Variants in CATSPERZ observed in about 807,000 individuals in gnomAD.
The protein encoded by CATSPERZ is catsper channel auxiliary subunit zeta, also known as cation channel sperm-associated auxiliary subunit zeta.
CATSPERZ carries 21 observed loss-of-function variants against 21.7 expected under a neutral mutation model. The observed-to-expected ratio is 0.97, with a 90% confidence interval of 0.69 to 1.39. CATSPERZ has a LOEUF of 1.39. Among genes scored for constraint, CATSPERZ ranks in the 40% most tolerant of loss-of-function variants. The pLI is 0.00. For synonymous variants in CATSPERZ, 127 were observed against 108.7 expected, an observed-to-expected ratio of 1.17 and a Z score of -1.05; for missense variants, 234 against 259.5, an observed-to-expected ratio of 0.90 and a Z score of 0.68.
intron 2 of CATSPERZ, among the ~76,000 whole-genome samples, chr11:64,301,970 G>A (rs951473189): frequency 1.3e-5 from 2 of 152,132 alleles, no homozygotes; most frequent in African/African-American, 4.8e-5. Context: ...CATGCCCGGC[G>A]AGACCTGTGT....
chr11:64,302,850 C>T (rs1273950431), intron 2 of CATSPERZ, among the ~76,000 whole-genome samples: 2 of 149,032 alleles, frequency 1.3e-5, no homozygotes, highest in East Asian at 2.0e-4. Context: ...GGATTACAGG[C>T]GTGAGCCACC....
At chr11:64,302,019 CCTTGT>C in intron 2 of CATSPERZ, among the ~76,000 whole-genome samples, 1 of 152,138 alleles carries the variant, frequency 6.6e-6, no homozygotes, top group East Asian at 1.9e-4. Context: ...AGAGTTAACT[CCTTGT>C]CTTATGATTT....
Position 64,304,651 on chromosome 11 carries a change from G to T in CATSPERZ, c.*5G>T, listed in dbSNP as rs1193196739. On this transcript the variant is annotated 3_prime_UTR_variant, in exon 5 of 5. Transcript: ENST00000328404. ...AAGAGGCTGTACGTGAATTAAAAAC[G>T]CCACCTTGGGCTCGAGCAGCGACCC... The T allele has an allele frequency of 1.3e-6, 2 of 1,559,638 alleles. No individual in the cohort carries two copies. The highest frequency in any genetic ancestry group is 8.7e-7 in the Non-Finnish European group (1 of 1,152,464).
At position 64,304,266 on chromosome 11, in the gene CATSPERZ, A is replaced by C. The variant is rs199960062; in HGVS notation, c.500-277A>C. Among the ~76,000 whole-genome samples the C allele has an allele frequency of 9.2e-5, 14 of 152,238 alleles. No individual in the cohort carries two copies. The East Asian group carries it at 2.7e-3, about 29-fold the overall frequency. ...GATAAAGGGCCAGCTGATGGCTTAGAGTGGGTGGCTGGTCCAGAAGGTGGG... is the reference window on the plus strand; with the variant it reads ...GATAAAGGGCCAGCTGATGGCTTAGCGTGGGTGGCTGGTCCAGAAGGTGGG... On this transcript the variant is annotated intron_variant, in intron 4 of 4. Coordinates refer to ENST00000328404, the MANE Select transcript of CATSPERZ (RefSeq NM_001039496.2).
At chr11:64,301,671 G>A (rs1047606091) in intron 2 of CATSPERZ, among the ~76,000 whole-genome samples, 1 of 151,702 alleles carries the variant, frequency 6.6e-6, no homozygotes, top group African/African-American at 2.4e-5. Context: ...ACTGCGCCCG[G>A]CCTTTGTTTT....
At chr11:64,300,614 G>C in intron 1 of CATSPERZ, 43 bp from the exon 2 acceptor site, 1 of 1,511,196 alleles carries the variant, frequency 6.6e-7, no homozygotes, top group Non-Finnish European at 8.9e-7. Flanking sequence ...TCCCGCTCCA[G>C]CCATCCGCGA....
rs2034899506 is a variant in CATSPERZ at position 64,300,364 on chromosome 11, C to T, written c.-47C>T. On this transcript the variant is annotated 5_prime_UTR_variant, in exon 1 of 5. Coordinates refer to ENST00000328404, the MANE Select transcript of CATSPERZ (RefSeq NM_001039496.2). ...GCCCCCTTCCTGGAGCGTTGACTCC[C>T]TTCTCGTCTCGAGGCCTGTGGCGTC... 7.1e-7 allele frequency: 1 copy of T among 1,416,102 alleles called. No homozygotes were observed. Among genetic ancestry groups the T allele is most frequent in the Non-Finnish European group, 9.5e-7 (1 of 1,055,852 alleles). The allele number at this position is 1,416,102 out of a possible 1,614,324, so 87.7% of individuals were successfully genotyped here. A position where few individuals can be genotyped will look rare whatever the true frequency, so the allele number is the denominator to read the frequency against.
Position 64,303,577 on chromosome 11 carries a change from G to C in CATSPERZ, c.432+16G>C. Reference sequence around the variant, plus strand: ...GCAGAGCAGGGTTGGAGGGGCTGGGGAGACTGGGCGTTTCGGTGGGGTAGG... The same window carrying C: ...GCAGAGCAGGGTTGGAGGGGCTGGGCAGACTGGGCGTTTCGGTGGGGTAGG... On this transcript the variant is annotated intron_variant, in intron 3 of 4. Transcript: ENST00000328404. 6.2e-7 allele frequency: 1 copy of C among 1,610,492 alleles called. No individual in the cohort carries two copies. Among genetic ancestry groups the C allele is most frequent in the Non-Finnish European group, 8.5e-7 (1 of 1,178,126 alleles).
At chr11:64,304,502 G>T (rs1454642214) in intron 4 of CATSPERZ, 41 bp from the exon 5 acceptor site, 1 of 1,500,754 alleles carries the variant, frequency 6.7e-7, no homozygotes, top group Non-Finnish European at 9.0e-7. Flanking sequence ...GAGACCTTTC[G>T]GTTGCTCACT....
intron 2 of CATSPERZ, among the ~76,000 whole-genome samples, chr11:64,301,228 G>T (rs1388860066): frequency 1.3e-5 from 2 of 152,218 alleles, no homozygotes; most frequent in South Asian, 2.1e-4. Flanking sequence ...GGGGAAGGAC[G>T]CACCAAATAA....
intron 2 of CATSPERZ, among the ~76,000 whole-genome samples, chr11:64,302,235 C>T (rs947004683): frequency 1.3e-5 from 2 of 152,180 alleles, no homozygotes; most frequent in Non-Finnish European, 2.9e-5. Context: ...TTGTCACCTT[C>T]AAACTTCACA....
At chr11:64,303,396 C>T (rs893824402) in intron 2 of CATSPERZ, 86 bp from the exon 3 acceptor site, 18 of 1,115,668 alleles carry the variant, frequency 1.6e-5, no homozygotes, top group Non-Finnish European at 2.1e-5. Context: ...AGGCCATTCC[C>T]TCTCACAAGG....
In CATSPERZ at chr11:64,300,693, G is replaced by C. The variant is rs1232892892; in HGVS notation, c.58G>C (p.Glu20Gln). ...LKSSDRQGSDEESVHSDTRDL... is the reference protein window; with the variant it reads ...LKSSDRQGSDQESVHSDTRDL... ...GTCTTCCGACCGCCAAGGCTCGGAC[G>C]AGGAGAGCGTGCATAGCGACACTCG... Residue 20 changes from glutamate to glutamine, a missense_variant, in exon 2 of 5, where the codon GAG becomes CAG. By Grantham distance (29) the Glu-to-Gln change is conservative. Transcript: ENST00000328404. The C allele has an allele frequency of 3.2e-6, 5 of 1,545,924 alleles. No individual in the cohort carries two copies. The highest frequency in any genetic ancestry group is 4.4e-6 in the Non-Finnish European group (5 of 1,143,226).
chr11:64,300,646 GT>G lies in CATSPERZ; in HGVS notation c.22-10del. 1 of 1,526,186 alleles carries G rather than the reference GT, an allele frequency of 6.6e-7. No homozygotes were observed. Among genetic ancestry groups the G allele is most frequent in the Admixed American group, 2.0e-5 (1 of 49,982 alleles). The allele number at this position is 1,526,186 out of a possible 1,614,324, so 94.5% of individuals were successfully genotyped here. On this transcript the variant is annotated splice_polypyrimidine_tract_variant and intron_variant, in intron 1 of 4. Transcript: ENST00000328404. ...GCGACCCTTGGCTCCCTCCTTGTAT[GT>G]GGCCCACAGGTGTCGCTCAAGTCTT...
chr11:64,303,826 CA>C lies in CATSPERZ; in HGVS notation c.489del (p.Ala164ProfsTer7). ...MENEALEILT[K>X]ALRSYQLGIG... ...AGAATGAAGCTCTGGAAATCCTCAC[CA>C]AAGCCCTCCGGAGTAAGCTCCCCGC... On this transcript the variant is annotated frameshift_variant, in exon 4 of 5. Transcript: ENST00000328404. LOFTEE classifies it low-confidence loss of function (END_TRUNC). 1 of 1,597,420 alleles carries C rather than the reference CA, an allele frequency of 6.3e-7. No individual in the cohort carries two copies. The highest frequency in any genetic ancestry group is 8.5e-7 in the Non-Finnish European group (1 of 1,172,258).
chr11:64,301,208 C>T (rs574316208), intron 2 of CATSPERZ, among the ~76,000 whole-genome samples: 7 of 152,338 alleles, frequency 4.6e-5, no homozygotes, highest in African/African-American at 1.4e-4. Context: ...GGTCGTGACG[C>T]GCAGAGTCCG....
At chr11:64,304,282 AG>A (rs2034979123) in intron 4 of CATSPERZ, among the ~76,000 whole-genome samples, 1 of 152,182 alleles carries the variant, frequency 6.6e-6, no homozygotes, top group African/African-American at 2.4e-5. Flanking sequence ...TGGCTGGTCC[AG>A]AAGGTGGGCA....
chr11:64,303,777 C>T lies in CATSPERZ; in HGVS notation c.437C>T (p.Pro146Leu). 1.3e-6 allele frequency: 2 copies of T among 1,599,632 alleles called. No homozygotes were observed. Among genetic ancestry groups the T allele is most frequent in the Non-Finnish European group, 8.5e-7 (1 of 1,173,350 alleles). ...AGCCTCTTGCTGCTTCTCCAGCTGC[C>T]ACTGCCCCTGATGGAACTCATGGAG... ...AYWAEQQSRL[P>L]LPLMELMENE... The change falls in exon 4 of 5, where the codon CCA becomes CTA. Residue 146 changes from proline to leucine, a missense_variant. By Grantham distance (98) the Pro-to-Leu change is moderately conservative. Transcript: ENST00000328404.
In CATSPERZ at chr11:64,300,989, T is replaced by G. The variant is rs1413382411; in HGVS notation, c.352+2T>G. ...ACACTGCATCCCAGATCGAGGCCGG[T>G]CAGTGTGGCCTCGCCAGGCCGTGGG... On this transcript the variant is annotated splice_donor_variant, in intron 2 of 4. Coordinates refer to ENST00000328404, the MANE Select transcript of CATSPERZ (RefSeq NM_001039496.2). LOFTEE classifies it high-confidence loss of function. The G allele has an allele frequency of 6.5e-6, 10 of 1,533,820 alleles. No individual in the cohort carries two copies. The highest frequency in any genetic ancestry group is 7.9e-6 in the Non-Finnish European group (9 of 1,135,456).
Sources: gnomAD v4.1 joint callset for allele counts (sites outside exome capture counted in the v4.1 genomes callset) on GRCh38, gnomAD v4.1.1 for gene constraint, MANE v1.5 for transcripts, NCBI Gene and HGNC (gene_info 2026-07-23, HGNC 2026-07-21) for gene names.